The following CDKAL1 variants were observed in gnomAD, a reference collection of about 807,000 sequenced individuals.
The protein encoded by CDKAL1 is threonylcarbamoyladenosine tRNA methylthiotransferase.
Under a neutral mutation model 68.2 loss-of-function variants are expected in CDKAL1, and 32 were observed. The ratio of observed to expected loss-of-function variants is 0.47; its 90% CI spans 0.35 to 0.63. The LOEUF (loss-of-function observed/expected upper bound fraction) is 0.63, where lower values mean the gene tolerates loss of function less well. Ranked by LOEUF, CDKAL1 falls within the 30% of genes least tolerant of loss-of-function variation. The probability of loss-of-function intolerance (pLI) is 0.00; values close to 1 mark genes in which losing one functional copy is unlikely to be tolerated. For missense variants in CDKAL1, 606 were observed against 696.7 expected (o/e 0.87, Z 1.47); for synonymous variants, 234 against 244.3 (o/e 0.96, Z 0.39).
chr6:20,934,138 G>C (rs918038461), intron 9 of CDKAL1, among the ~76,000 whole-genome samples: 1 of 152,162 alleles, frequency 6.6e-6, no homozygotes, highest in African/African-American at 2.4e-5. Flanking sequence ...AGAGCAATAT[G>C]ATTGAAGGCA....
intron 10 of CDKAL1, among the ~76,000 whole-genome samples, chr6:20,958,332 ATCC>A (rs1045525715): frequency 6.6e-6 from 1 of 152,140 alleles, no homozygotes; most frequent in African/African-American, 2.4e-5. Context: ...GTTTCTTCTC[ATCC>A]TCCTCTGCAT....
chr6:20,969,540 A>C (rs1417140403), intron 10 of CDKAL1, among the ~76,000 whole-genome samples: 3 of 152,170 alleles, frequency 2.0e-5, no homozygotes, highest in Non-Finnish European at 2.9e-5. Context: ...TTAAGGGTCC[A>C]CTGTAATTCT....
At chr6:20,735,016 A>G (rs1040271325) in intron 5 of CDKAL1, among the ~76,000 whole-genome samples, 3 of 151,730 alleles carry the variant, frequency 2.0e-5, no homozygotes, top group Non-Finnish European at 2.9e-5. Context: ...TTACAGGTGC[A>G]TGCCACCATG....
chr6:20,717,725 A>G (rs959023352), intron 5 of CDKAL1, among the ~76,000 whole-genome samples: 1 of 152,138 alleles, frequency 6.6e-6, no homozygotes, highest in Admixed American at 6.6e-5. Flanking sequence ...ATGTCTGAAT[A>G]TGTTTTCTTT....
intron 8 of CDKAL1, among the ~76,000 whole-genome samples, chr6:20,786,494 C>CTTTTTTTTT (rs1197574844): frequency 1.5e-4 from 12 of 80,774 alleles, no homozygotes; most frequent in African/African-American, 5.5e-4. Context: ...TTTTTCTTAT[C>CTTTTTTTTT]TTTTTTTTTT....
intron 12 of CDKAL1, among the ~76,000 whole-genome samples, chr6:21,067,114 A>G (rs146400346): frequency 1.3e-5 from 2 of 152,246 alleles, no homozygotes; most frequent in African/African-American, 4.8e-5. Flanking sequence ...TGTAAAGTGA[A>G]TACTTCCTTA....
At chr6:21,016,185 T>G (rs2150850589) in intron 11 of CDKAL1, among the ~76,000 whole-genome samples, 1 of 152,020 alleles carries the variant, frequency 6.6e-6, no homozygotes, top group African/African-American at 2.4e-5. Context: ...ATTTAATTAT[T>G]ACAACAATTC....
intron 13 of CDKAL1, among the ~76,000 whole-genome samples, chr6:21,182,681 T>TA (rs1307530415): frequency 6.6e-6 from 1 of 152,188 alleles, no homozygotes; most frequent in African/African-American, 2.4e-5. Context: ...GCAGCTCTCT[T>TA]AAAAATAAAG....
At chr6:20,980,501 T>G (rs1455439079) in intron 10 of CDKAL1, among the ~76,000 whole-genome samples, 8 of 152,166 alleles carry the variant, frequency 5.3e-5, no homozygotes, top group African/African-American at 1.9e-4. Flanking sequence ...CCTCCCAAAG[T>G]GCTGGGATTA....
At chr6:20,688,945 G>A (rs993418687) in intron 5 of CDKAL1, among the ~76,000 whole-genome samples, 1 of 152,210 alleles carries the variant, frequency 6.6e-6, no homozygotes, top group African/African-American at 2.4e-5. Context: ...CCTTTAGTAA[G>A]CCTGTGCTTA....
chr6:20,786,379 G>C (rs982432072), intron 8 of CDKAL1, among the ~76,000 whole-genome samples: 2 of 151,854 alleles, frequency 1.3e-5, no homozygotes, highest in African/African-American at 4.8e-5. Context: ...TCAACCAAAT[G>C]TTATGGTCAG....
chr6:21,221,362 G>T (rs1324592444), intron 15 of CDKAL1, among the ~76,000 whole-genome samples: 1 of 151,804 alleles, frequency 6.6e-6, no homozygotes, highest in Non-Finnish European at 1.5e-5. Context: ...CCGAGTAGCT[G>T]GGACTACAAG....
intron 14 of CDKAL1, among the ~76,000 whole-genome samples, chr6:21,200,014 C>T (rs1482247483): frequency 3.3e-5 from 5 of 152,146 alleles, no homozygotes; most frequent in Admixed American, 6.5e-5. Context: ...CAAAGATTTT[C>T]TAGGAATTAT....
At chr6:20,983,547 C>G (rs967089754) in intron 10 of CDKAL1, among the ~76,000 whole-genome samples, 9 of 152,042 alleles carry the variant, frequency 5.9e-5, no homozygotes, top group African/African-American at 2.2e-4. Flanking sequence ...ATGGTGAAAC[C>G]CTGTCTCTAC....
intron 15 of CDKAL1, among the ~76,000 whole-genome samples, chr6:21,212,696 T>C (rs1161726919): frequency 6.6e-5 from 10 of 152,168 alleles, no homozygotes; most frequent in Non-Finnish European, 1.5e-4. Flanking sequence ...ATGTTTAAAA[T>C]TTTTTTCATT....
intron 5 of CDKAL1, among the ~76,000 whole-genome samples, chr6:20,661,607 C>G (rs1416002321): frequency 1.0e-5 from 1 of 97,578 alleles, no homozygotes; most frequent in Admixed American, 9.4e-5. Flanking sequence ...AAAAAAAAAC[C>G]AAATGAAACT....
intron 13 of CDKAL1, among the ~76,000 whole-genome samples, chr6:21,169,764 G>A (rs886197246): frequency 7.9e-5 from 12 of 152,180 alleles, no homozygotes; most frequent in African/African-American, 2.9e-4. Context: ...AATTCCACAT[G>A]GCTGGGGAGG....
At chr6:20,801,994 C>G (rs1776382282) in intron 8 of CDKAL1, among the ~76,000 whole-genome samples, 1 of 152,024 alleles carries the variant, frequency 6.6e-6, no homozygotes, top group African/African-American at 2.4e-5. Context: ...TTGCTGTTAA[C>G]CTTTAAAAAA....
rs558725784 is a variant in CDKAL1 at position 20,825,701 on chromosome 6, A to C, written c.639-20374A>C. On this transcript the variant is annotated intron_variant, in intron 8 of 15. Transcript: ENST00000274695. ...TGAATGACAGGCTGTATTTACTGTA[A>C]ATACTTTAAAAAATTGTTGCTAACA... is the stretch of plus-strand genomic sequence containing the variant. Among the ~76,000 whole-genome samples, 4 of 152,274 alleles carry C rather than the reference A, an allele frequency of 2.6e-5. 1 individual carries two copies. In the South Asian group the frequency reaches 8.3e-4, roughly 32 times the overall value.
Sources: allele counts gnomAD v4.1 joint callset (sites outside exome capture counted in the v4.1 genomes callset), GRCh38; gene constraint gnomAD v4.1.1; transcripts MANE v1.5; gene names NCBI Gene and HGNC (gene_info 2026-07-23, HGNC 2026-07-21).